KATNIP: variants seen among roughly 807,000 people sequenced by gnomAD.
KATNIP encodes katanin-interacting protein.
In KATNIP, 126 loss-of-function variants were observed where a neutral mutation model predicts 174.0. That is an observed-to-expected ratio of 0.72 (90% CI 0.63 to 0.84). KATNIP has a LOEUF of 0.84. Among genes scored for constraint, KATNIP ranks in the 40% least tolerant of loss-of-function variants. The pLI is 0.00. For synonymous variants in KATNIP, 810 were observed against 835.7 expected (o/e 0.97, Z 0.53); for missense variants, 1,958 against 2,109.7 (o/e 0.93, Z 1.41).
intron 6 of KATNIP, among the ~76,000 whole-genome samples, chr16:27,664,395 C>A (rs560822518): frequency 9.2e-5 from 14 of 152,304 alleles, no homozygotes; most frequent in African/African-American, 3.4e-4. Flanking sequence ...TTAAATCACA[C>A]ACGATTAGTT....
At chr16:27,552,686 G>GTTT (rs768836183) in intron 1 of KATNIP, among the ~76,000 whole-genome samples, 81 of 94,328 alleles carry the variant, frequency 8.6e-4, no homozygotes, top group Non-Finnish European at 9.5e-4. Context: ...GCAAGTGGCA[G>GTTT]TTTTTTTTTT....
At chr16:27,728,630 A>G (rs1225756904) in intron 14 of KATNIP, among the ~76,000 whole-genome samples, 1 of 152,108 alleles carries the variant, frequency 6.6e-6, no homozygotes, top group African/African-American at 2.4e-5. Flanking sequence ...GGGTTTTGCC[A>G]TGTTGGCCAG....
Position 27,701,655 on chromosome 16 carries a change from A to G in KATNIP, c.1246A>G (p.Ile416Val). Residue 416 changes from isoleucine (I) to valine (V), a missense_variant, in exon 11 of 28, where the codon ATC (isoleucine) becomes GTC (valine). Ile to Val is a conservative substitution (Grantham distance 29, BLOSUM62 3). Coordinates refer to ENST00000261588, the MANE Select transcript of KATNIP (RefSeq NM_015202.5). ...CGGGGCAGCAGGAGGAGCCAGGGCC[A>G]TCAACCAGGCCATGGACAGAATTGG... is the stretch of plus-strand genomic sequence containing the variant. ...PAGAAGGARA[I>V]NQAMDRIGLL... The G allele has an allele frequency of 6.2e-7, 1 of 1,608,206 alleles. No individual in the cohort carries two copies.
At chr16:27,663,896 A>C (rs946312682) in intron 6 of KATNIP, among the ~76,000 whole-genome samples, 2 of 150,986 alleles carry the variant, frequency 1.3e-5, no homozygotes, top group African/African-American at 4.9e-5. Flanking sequence ...CTGCAGCCTC[A>C]ATCTTCTGGG....
At chr16:27,655,202 A>ATATATATATATATATG (rs2077235239) in intron 6 of KATNIP, among the ~76,000 whole-genome samples, 1 of 112,516 alleles carries the variant, frequency 8.9e-6, no homozygotes, top group Non-Finnish European at 1.7e-5. Flanking sequence ...ATATATATAT[A>ATATATATATATATATG]TATATATATA....
chr16:27,658,097 A>G (rs1000723622), intron 6 of KATNIP, among the ~76,000 whole-genome samples: 1 of 152,186 alleles, frequency 6.6e-6, no homozygotes, highest in African/African-American at 2.4e-5. Context: ...TAAAGAGTAA[A>G]AATTAAATAA....
intron 1 of KATNIP, among the ~76,000 whole-genome samples, chr16:27,571,855 T>C (rs1436058519): frequency 6.6e-6 from 1 of 152,218 alleles, no homozygotes; most frequent in Non-Finnish European, 1.5e-5. Flanking sequence ...ATCCTTAGAC[T>C]GACAGCCAGA....
intron 2 of KATNIP, among the ~76,000 whole-genome samples, chr16:27,615,918 C>T (rs1283467152): frequency 6.6e-6 from 1 of 152,090 alleles, no homozygotes; most frequent in Admixed American, 6.6e-5. Flanking sequence ...TCTCTCTTTT[C>T]TTCCCAGGAT....
chr16:27,569,914 GTT>G (rs1338814869), intron 1 of KATNIP, among the ~76,000 whole-genome samples: 3 of 152,006 alleles, frequency 2.0e-5, no homozygotes, highest in African/African-American at 7.3e-5. Context: ...TATTCTTTTT[GTT>G]TTGTTTGTTT....
At chr16:27,658,413 G>A (rs2077366080) in intron 6 of KATNIP, among the ~76,000 whole-genome samples, 4 of 152,166 alleles carry the variant, frequency 2.6e-5, no homozygotes, top group Admixed American at 2.6e-4. Flanking sequence ...GAAGATTAGA[G>A]CACACTTCCA....
At chr16:27,603,704 C>CA (rs1039718324) in intron 2 of KATNIP, among the ~76,000 whole-genome samples, 1 of 151,778 alleles carries the variant, frequency 6.6e-6, no homozygotes, top group African/African-American at 2.4e-5. Context: ...CTTGGTCTCC[C>CA]AAAGTTCTGA....
intron 12 of KATNIP, 67 bp from the exon 13 acceptor site, chr16:27,708,638 C>CA: frequency 7.6e-7 from 1 of 1,311,542 alleles, no homozygotes; most frequent in Non-Finnish European, 1.1e-6. Flanking sequence ...GCAGTGGTGG[C>CA]AGAGGCAGAG....
intron 6 of KATNIP, among the ~76,000 whole-genome samples, chr16:27,661,910 TAATATATATATATATATA>T (rs2077488986): frequency 2.4e-5 from 1 of 41,684 alleles, no homozygotes; most frequent in African/African-American, 1.0e-4. Flanking sequence ...TGTGCCTGGC[TAATATATATATATATATA>T]TATATATATA....
intron 1 of KATNIP, among the ~76,000 whole-genome samples, chr16:27,560,000 A>G (rs375410489): frequency 6.7e-6 from 1 of 149,072 alleles, no homozygotes; most frequent in Non-Finnish European, 1.5e-5. Flanking sequence ...AATAAATAAA[A>G]AATCCAGGTG....
At chr16:27,569,174 A>G (rs1255558370) in intron 1 of KATNIP, among the ~76,000 whole-genome samples, 3 of 152,192 alleles carry the variant, frequency 2.0e-5, no homozygotes, top group Non-Finnish European at 4.4e-5. Flanking sequence ...CTCTTTATCA[A>G]GGGTAATTTT....
intron 8 of KATNIP, among the ~76,000 whole-genome samples, chr16:27,694,144 C>G (rs754671903): frequency 1.3e-5 from 2 of 152,182 alleles, no homozygotes; most frequent in Non-Finnish European, 2.9e-5. Context: ...TCATCCCCAT[C>G]AGCCCAGTGC....
At chr16:27,764,629 G>A (rs2082065464) in intron 19 of KATNIP, among the ~76,000 whole-genome samples, 2 of 152,194 alleles carry the variant, frequency 1.3e-5, no homozygotes, top group South Asian at 4.1e-4. Flanking sequence ...CTTTTTTATG[G>A]ATAGAGCTAG....
intron 17 of KATNIP, among the ~76,000 whole-genome samples, chr16:27,752,507 T>C (rs985100245): frequency 2.2e-4 from 33 of 152,244 alleles, no homozygotes; most frequent in African/African-American, 7.7e-4. Context: ...AGAACTTGAA[T>C]GCGTGATTCC....
chr16:27,690,363 TG>T (rs2078684270), intron 8 of KATNIP, among the ~76,000 whole-genome samples: 1 of 90,986 alleles, frequency 1.1e-5, no homozygotes, highest in African/African-American at 4.7e-5. Context: ...GATAGATAGA[TG>T]ATAGATAGAT....
Sources: gnomAD v4.1 joint callset for allele counts (sites outside exome capture counted in the v4.1 genomes callset) on GRCh38, gnomAD v4.1.1 for gene constraint, MANE v1.5 for transcripts, NCBI Gene and HGNC (gene_info 2026-07-23, HGNC 2026-07-21) for gene names.